The following NBEA variants were observed in gnomAD, a reference collection of about 807,000 sequenced individuals.
The protein encoded by NBEA is lysosomal-trafficking regulator 2.
NBEA carries 44 observed loss-of-function variants against 343.4 expected under a neutral mutation model. The ratio of observed to expected loss-of-function variants is 0.13; its 90% confidence interval spans 0.10 to 0.16. The LOEUF is 0.16. NBEA is among the 10% of genes least tolerant of loss of function. The pLI, the probability that NBEA is intolerant of heterozygous loss-of-function variation, is 1.00. For synonymous variants in NBEA, 1,175 were observed against 1,238.7 expected (o/e 0.95, Z 1.08); for missense variants, 2,555 against 3,631.3 (o/e 0.70, Z 7.62).
chr13:35,651,956 A>G, intron 53 of NBEA, 80 bp downstream of exon 53: 1 of 841,276 alleles, frequency 1.2e-6, no homozygotes, highest in Non-Finnish European at 1.9e-6. Context: ...AGATAGTTGA[A>G]CAATATTTTT....
intron 11 of NBEA, among the ~76,000 whole-genome samples, chr13:35,106,104 A>T (rs969375270): frequency 6.6e-6 from 1 of 151,960 alleles, no homozygotes; most frequent in South Asian, 2.1e-4. Flanking sequence ...TGTCACATAT[A>T]GTACTTCTTA....
intron 41 of NBEA, among the ~76,000 whole-genome samples, chr13:35,518,010 C>G (rs987054552): frequency 2.0e-5 from 3 of 152,106 alleles, no homozygotes; most frequent in Non-Finnish European, 4.4e-5. Flanking sequence ...TTATTTGACA[C>G]TCTTGAATGT....
At chr13:35,397,953 C>G (rs1358637149) in intron 38 of NBEA, among the ~76,000 whole-genome samples, 1 of 152,064 alleles carries the variant, frequency 6.6e-6, no homozygotes, top group Admixed American at 6.6e-5. Flanking sequence ...TGACTCTTCC[C>G]TTCACAAAAG....
intron 1 of NBEA, among the ~76,000 whole-genome samples, chr13:34,973,220 C>T (rs531662109): frequency 1.3e-5 from 2 of 151,580 alleles, no homozygotes; most frequent in East Asian, 3.9e-4. Context: ...CCCAAACATA[C>T]CTGTAGGAGG....
At chr13:35,483,082 A>T (rs1406355982) in intron 41 of NBEA, among the ~76,000 whole-genome samples, 1 of 151,984 alleles carries the variant, frequency 6.6e-6, no homozygotes, top group African/African-American at 2.4e-5. Context: ...GTAAAATAAT[A>T]TTTCAGATAT....
At chr13:35,604,582 G>A (rs914988517) in intron 47 of NBEA, among the ~76,000 whole-genome samples, 5 of 151,986 alleles carry the variant, frequency 3.3e-5, no homozygotes, top group Admixed American at 1.3e-4. Flanking sequence ...GTCACCCAGT[G>A]TCTTGCTATA....
chr13:35,537,289 A>G (rs940438876), intron 41 of NBEA, among the ~76,000 whole-genome samples: 2 of 152,028 alleles, frequency 1.3e-5, no homozygotes, highest in African/African-American at 4.8e-5. Context: ...CTATATATAG[A>G]CCCTGTATAT....
intron 41 of NBEA, among the ~76,000 whole-genome samples, chr13:35,504,391 A>G (rs2076995339): frequency 6.6e-6 from 1 of 152,106 alleles, no homozygotes; most frequent in African/African-American, 2.4e-5. Context: ...CCTTTCCCTG[A>G]AACCTTAGTA....
At chr13:35,400,636 T>A (rs1234554246) in intron 38 of NBEA, among the ~76,000 whole-genome samples, 1 of 152,018 alleles carries the variant, frequency 6.6e-6, no homozygotes, top group Non-Finnish European at 1.5e-5. Context: ...AAAATCTGAT[T>A]CAACCCTCCC....
chr13:35,597,366 A>G (rs1395371091), intron 47 of NBEA, among the ~76,000 whole-genome samples: 1 of 152,162 alleles, frequency 6.6e-6, no homozygotes, highest in Non-Finnish European at 1.5e-5. Context: ...CATTTAGGAA[A>G]TTTTAAACTA....
At chr13:35,652,457 G>A (rs1002117600) in intron 53 of NBEA, among the ~76,000 whole-genome samples, 10 of 151,246 alleles carry the variant, frequency 6.6e-5, no homozygotes, top group African/African-American at 2.4e-4. Context: ...TGGCTAACAC[G>A]GTGAAACCCC....
intron 17 of NBEA, among the ~76,000 whole-genome samples, chr13:35,127,756 C>A (rs2067205831): frequency 6.6e-6 from 1 of 151,964 alleles, no homozygotes; most frequent in Non-Finnish European, 1.5e-5. Context: ...AAAAGATAAG[C>A]AGTTCTATAA....
At chr13:35,507,745 G>C (rs1049230734) in intron 41 of NBEA, among the ~76,000 whole-genome samples, 2 of 152,102 alleles carry the variant, frequency 1.3e-5, no homozygotes, top group Non-Finnish European at 2.9e-5. Context: ...CTACCATGTA[G>C]ATAAGCCTCT....
At chr13:35,455,490 ATGC>A (rs2046533588) in intron 40 of NBEA, among the ~76,000 whole-genome samples, 1 of 151,924 alleles carries the variant, frequency 6.6e-6, no homozygotes, top group African/African-American at 2.4e-5. Flanking sequence ...CATATAAATG[ATGC>A]TGCTATTATA....
At chr13:35,181,508 GT>G (rs761872439) in intron 28 of NBEA, among the ~76,000 whole-genome samples, 42 of 142,160 alleles carry the variant, frequency 3.0e-4, no homozygotes, top group Middle Eastern at 3.6e-3. Flanking sequence ...TTTTGGATGA[GT>G]TTTTTTTTTT....
intron 41 of NBEA, among the ~76,000 whole-genome samples, chr13:35,540,755 T>C (rs558531937): frequency 1.3e-5 from 2 of 152,200 alleles, no homozygotes; most frequent in Non-Finnish European, 2.9e-5. Flanking sequence ...GTCTCTATCC[T>C]CATTAAGTCC....
intron 36 of NBEA, among the ~76,000 whole-genome samples, chr13:35,331,305 T>TA (rs1261924211): frequency 2.0e-5 from 3 of 151,850 alleles, no homozygotes; most frequent in African/African-American, 7.2e-5. Context: ...ATCAGGATCT[T>TA]AAAATCTAAT....
rs1364071486 is a variant in NBEA, at chr13:35,670,807, G to A, written c.8814-94G>A. ...CCTTGAGATCGTGATATTGTCTAGTGTAAAATGCCAAACTTTGAGATACTG... is the reference window on the plus strand; with the variant it reads ...CCTTGAGATCGTGATATTGTCTAGTATAAAATGCCAAACTTTGAGATACTG... On this transcript the variant is annotated intron_variant, in intron 58 of 58. Coordinates refer to ENST00000379939, the MANE Select transcript of NBEA (RefSeq NM_001385012.1). The A allele has an allele frequency of 3.6e-6, 3 of 835,164 alleles. No individual in the cohort carries two copies. In the African/African-American group the frequency reaches 5.1e-5, roughly 14 times the overall value. 51.7% of individuals were successfully genotyped at this position (835,164 alleles called of 1,614,324 possible). A position where few individuals can be genotyped will look rare whatever the true frequency, so the allele number is the denominator to read the frequency against.
In NBEA at chr13:35,109,239, C is replaced by A; in HGVS notation, c.1681-51C>A. The stretch of plus-strand genomic sequence containing the variant: ...TCCTTATGCTAAATCAGAAATTATA[C>A]AATTTGATATTCTGGATGTTTCAAG... On this transcript the variant is annotated intron_variant, in intron 11 of 58. Transcript: ENST00000379939. 6 of 1,455,926 alleles carry A rather than the reference C, an allele frequency of 4.1e-6. 1 individual carries two copies. The South Asian group carries it at 8.8e-5, about 21-fold the overall frequency. 90.2% of individuals were successfully genotyped at this position (1,455,926 alleles called of 1,614,324 possible). A position where few individuals can be genotyped will look rare whatever the true frequency, so the allele number is the denominator to read the frequency against.
Sources: allele counts gnomAD v4.1 joint callset (sites outside exome capture counted in the v4.1 genomes callset), GRCh38; gene constraint gnomAD v4.1.1; transcripts MANE v1.5; gene names NCBI Gene and HGNC (gene_info 2026-07-23, HGNC 2026-07-21).